The following ERBB4 variants were observed in gnomAD, a reference collection of about 807,000 sequenced individuals.
The protein encoded by ERBB4 is receptor tyrosine-protein kinase erbB-4.
Under a neutral mutation model 158.0 loss-of-function variants are expected in ERBB4, and 42 were observed. The observed-to-expected ratio is 0.27, with a 90% CI of 0.21 to 0.34. ERBB4 has a LOEUF of 0.34. Among genes scored for constraint, ERBB4 ranks in the 10% least tolerant of loss-of-function variants. The pLI is 1.00. For synonymous variants in ERBB4, 583 were observed against 558.7 expected, an observed-to-expected ratio of 1.04 and a Z score of -0.61; for missense variants, 1,333 against 1,624.1, an observed-to-expected ratio of 0.82 and a Z score of 3.08.
At chr2:212,057,709 A>G (rs1382007505) in intron 2 of ERBB4, among the ~76,000 whole-genome samples, 1 of 152,226 alleles carries the variant, frequency 6.6e-6, no homozygotes, top group Admixed American at 6.5e-5. Context: ...GAAGGCAGAA[A>G]CAAAGATGTT....
chr2:211,730,660 C>G (rs1402650723), intron 5 of ERBB4, among the ~76,000 whole-genome samples: 2 of 152,036 alleles, frequency 1.3e-5, no homozygotes, highest in Non-Finnish European at 2.9e-5. Context: ...AAGCCCATTT[C>G]TATTAAGCTC....
chr2:211,717,521 A>G (rs6758063), intron 7 of ERBB4, among the ~76,000 whole-genome samples: 96,512 of 152,008 alleles, frequency 0.63, 30,884 homozygotes, highest in Admixed American at 0.7. Context: ...GTGTTTTCAA[A>G]GCCTTTTTAA....
At chr2:212,194,671 G>A (rs1328165005) in intron 1 of ERBB4, among the ~76,000 whole-genome samples, 1 of 151,838 alleles carries the variant, frequency 6.6e-6, no homozygotes, top group Non-Finnish European at 1.5e-5. Context: ...AAATTAAAAT[G>A]GTAGTCCTTA....
intron 16 of ERBB4, among the ~76,000 whole-genome samples, chr2:211,636,053 C>T (rs1050798624): frequency 6.6e-6 from 1 of 151,630 alleles, no homozygotes; most frequent in Non-Finnish European, 1.5e-5. Flanking sequence ...AGATGTAGAC[C>T]TGCTTCACTT....
intron 1 of ERBB4, among the ~76,000 whole-genome samples, chr2:212,511,057 A>G (rs1042351808): frequency 5.3e-5 from 8 of 152,156 alleles, no homozygotes; most frequent in African/African-American, 1.9e-4. Flanking sequence ...CATGTACTCA[A>G]AAAAACGGAT....
chr2:212,459,311 T>C (rs112375206), intron 1 of ERBB4, among the ~76,000 whole-genome samples: 3,532 of 152,100 alleles, frequency 0.023, 56 homozygotes, highest in African/African-American at 0.045. Flanking sequence ...AGGATGACAA[T>C]CTTTGGTAAT....
At chr2:212,425,528 A>T (rs1049331779) in intron 1 of ERBB4, among the ~76,000 whole-genome samples, 1 of 151,436 alleles carries the variant, frequency 6.6e-6, no homozygotes, top group Admixed American at 6.6e-5. Flanking sequence ...ATAATATCAA[A>T]AAGTCTCCTC....
chr2:211,409,188 G>C (rs2063205821), intron 25 of ERBB4, among the ~76,000 whole-genome samples: 1 of 152,132 alleles, frequency 6.6e-6, no homozygotes, highest in Middle Eastern at 3.4e-3. Flanking sequence ...TGACGGGTGA[G>C]AGTTGAAAGC....
intron 16 of ERBB4, among the ~76,000 whole-genome samples, chr2:211,651,140 T>C (rs1421893235): frequency 6.6e-6 from 1 of 152,202 alleles, no homozygotes; most frequent in East Asian, 1.9e-4. Flanking sequence ...ACTGAGACCT[T>C]ACCTTACAGT....
chr2:212,400,278 A>G (rs1351081700), intron 1 of ERBB4, among the ~76,000 whole-genome samples: 1 of 152,150 alleles, frequency 6.6e-6, no homozygotes, highest in Non-Finnish European at 1.5e-5. Context: ...GAACAGGCCA[A>G]GAGGCTACTG....
chr2:212,342,512 T>C (rs1345769164), intron 1 of ERBB4, among the ~76,000 whole-genome samples: 4 of 152,174 alleles, frequency 2.6e-5, no homozygotes, highest in African/African-American at 9.7e-5. Context: ...CCTCTTTTTC[T>C]TTATAAATTT....
chr2:212,390,284 A>C (rs1444761321), intron 1 of ERBB4, among the ~76,000 whole-genome samples: 2 of 151,826 alleles, frequency 1.3e-5, no homozygotes, highest in Admixed American at 6.6e-5. Flanking sequence ...TTCATTTATT[A>C]GTATTTTAAG....
At position 211,619,211 on chromosome 2, in the gene ERBB4, G is replaced by T; in HGVS notation, c.2267C>A (p.Thr756Lys). 1 of 1,611,816 alleles carries T rather than the reference G, an allele frequency of 6.2e-7. No homozygotes were observed. Among genetic ancestry groups the T allele is most frequent in the Middle Eastern group, 1.7e-4 (1 of 6,056 alleles). ...IPVAIKILNE[T>K]TGPKANVEFM... ...CTCCACATTTGCCTTGGGACCAGTT[G>T]TCTCATTAAGAATCTTAATAGCCAC... Residue 756 changes from threonine (T) to lysine (K), a missense_variant, in exon 19 of 28, where the codon ACA becomes AAA. Around this residue, in one of 5 missense-constraint regions of ERBB4, gnomAD observed 314 missense variants for 437.6 expected, o/e 0.72. Transcript: ENST00000342788.
intron 20 of ERBB4, among the ~76,000 whole-genome samples, chr2:211,456,667 C>G (rs968634793): frequency 6.6e-6 from 1 of 152,012 alleles, no homozygotes. Flanking sequence ...TCGTGGAAGA[C>G]AATTTTTCCA....
intron 1 of ERBB4, among the ~76,000 whole-genome samples, chr2:212,252,072 T>C (rs1276124044): frequency 6.6e-6 from 1 of 152,010 alleles, no homozygotes; most frequent in Non-Finnish European, 1.5e-5. Context: ...ATGTTTGGCA[T>C]GTGGATAAGG....
rs775185899 is a variant in ERBB4 at position 211,952,750 on chromosome 2, G to A, written c.235-5134C>T. On this transcript the variant is annotated intron_variant, in intron 2 of 27. Coordinates refer to ENST00000342788, the MANE Select transcript of ERBB4 (RefSeq NM_005235.3). ...ATACCAATATTTCTATTATAAAACC[G>A]TAATAGGGGTTAGAAGATATAAGAA... is the stretch of plus-strand genomic sequence containing the variant. 7.1e-4 allele frequency among the ~76,000 whole-genome samples: 108 copies of A among 151,764 alleles called. 2 individuals are homozygous for A. Among genetic ancestry groups the A allele is most frequent in the Non-Finnish European group, 3.5e-4 (24 of 67,910 alleles).
At chr2:211,699,676 A>G (rs1384464631) in intron 12 of ERBB4, among the ~76,000 whole-genome samples, 1 of 152,142 alleles carries the variant, frequency 6.6e-6, no homozygotes, top group African/African-American at 2.4e-5. Context: ...CCAAACTGCA[A>G]AGTCAATTCT....
At chr2:211,976,138 A>G (rs929259668) in intron 2 of ERBB4, among the ~76,000 whole-genome samples, 2 of 152,180 alleles carry the variant, frequency 1.3e-5, no homozygotes, top group African/African-American at 4.8e-5. Context: ...ACACATTTAC[A>G]TAATATGTTC....
At chr2:211,884,219 T>C (rs1416578352) in intron 3 of ERBB4, among the ~76,000 whole-genome samples, 1 of 152,208 alleles carries the variant, frequency 6.6e-6, no homozygotes, top group East Asian at 1.9e-4. Flanking sequence ...GTTTTCATTC[T>C]TCTTGTTTCA....
Sources: gnomAD v4.1 joint callset for allele counts (sites outside exome capture counted in the v4.1 genomes callset) on GRCh38, gnomAD v4.1.1 for gene constraint, gnomAD v4.1.1 regional missense constraint, MANE v1.5 for transcripts, NCBI Gene and HGNC (gene_info 2026-07-23, HGNC 2026-07-21) for gene names.